The following RIC3 variants were observed in gnomAD, a reference collection of about 807,000 sequenced individuals.
RIC3 encodes the protein RIC3 acetylcholine receptor chaperone, also known as protein RIC-3.
Under a neutral mutation model 27.3 loss-of-function variants are expected in RIC3, and 28 were observed. The observed-to-expected ratio is 1.02, with a 90% CI of 0.76 to 1.41. The LOEUF is 1.41. Ranked by LOEUF, RIC3 falls within the 40% of genes most tolerant of loss-of-function variation. The pLI, the probability that RIC3 is intolerant of heterozygous loss-of-function variation, is 0.00. For synonymous variants in RIC3, 184 were observed against 160.4 expected (o/e 1.15, Z -1.11); for missense variants, 501 against 444.7 (o/e 1.13, Z -1.14).
intron 1 of RIC3, among the ~76,000 whole-genome samples, chr11:8,163,657 T>G (rs1471289741): frequency 6.6e-6 from 1 of 152,048 alleles, no homozygotes; most frequent in Non-Finnish European, 1.5e-5. Flanking sequence ...AAATAAGACT[T>G]TCACACTAAA....
Position 8,145,531 on chromosome 11 carries a change from A to T in RIC3, c.125-5338T>A, listed in dbSNP as rs544288748. Among the ~76,000 whole-genome samples, 3 of 152,066 alleles carry T rather than the reference A, an allele frequency of 2.0e-5. No homozygotes were observed. In the South Asian group the frequency reaches 6.2e-4, roughly 32 times the overall value. Reference sequence around the variant, plus strand: ...AAGTACTCAGCTTGGGTAGGTATACATCTCTTTCCAATCAGCTATAGCTGA... The same window carrying T: ...AAGTACTCAGCTTGGGTAGGTATACTTCTCTTTCCAATCAGCTATAGCTGA... On this transcript the variant is annotated intron_variant, in intron 1 of 5. Coordinates refer to ENST00000309737, the MANE Select transcript of RIC3 (RefSeq NM_001206671.4).
chr11:8,101,396 C>A (rs2242504), downstream of RIC3: 3 of 1,512,452 alleles, frequency 2.0e-6, no homozygotes, highest in East Asian at 4.5e-5. Flanking sequence ...TTGTTCTTCC[C>A]TCATGTGGTT....
intron 5 of RIC3, among the ~76,000 whole-genome samples, chr11:8,116,493 T>C (rs571843364): frequency 2.6e-5 from 4 of 152,320 alleles, no homozygotes; most frequent in Non-Finnish European, 5.9e-5. Flanking sequence ...ATCTATGTAA[T>C]GGGAGAAAAT....
At chr11:8,131,388 G>A (rs1269387773) in intron 4 of RIC3, among the ~76,000 whole-genome samples, 2 of 152,198 alleles carry the variant, frequency 1.3e-5, no homozygotes, top group Admixed American at 6.5e-5. Context: ...GCCATTTGCT[G>A]AGATGGAAAT....
intron 5 of RIC3, among the ~76,000 whole-genome samples, chr11:8,123,519 A>G (rs1172075029): frequency 6.6e-6 from 1 of 152,232 alleles, no homozygotes; most frequent in Non-Finnish European, 1.5e-5. Flanking sequence ...ACAAATTACC[A>G]GGATCAAGAA....
intron 1 of RIC3, among the ~76,000 whole-genome samples, chr11:8,159,170 A>G (rs569508438): frequency 6.6e-6 from 1 of 152,348 alleles, no homozygotes; most frequent in East Asian, 1.9e-4. Flanking sequence ...AGAAGGCATC[A>G]GGAAATGCAG....
intron 1 of RIC3, among the ~76,000 whole-genome samples, chr11:8,145,126 C>T (rs1949534930): frequency 7.0e-6 from 1 of 141,994 alleles, no homozygotes. Context: ...CACATGTATA[C>T]ATATGTAACT....
chr11:8,110,666 C>T lies in RIC3; in HGVS notation c.*32G>A. ...TGAGGAGAGAGAGGTCACCTTGGGA[C>T]TTGAGTAATGGATACTTCAGACTGG... On this transcript the variant is annotated 3_prime_UTR_variant, in exon 6 of 6. Transcript: ENST00000309737. 6.3e-7 allele frequency: 1 copy of T among 1,598,392 alleles called. No individual in the cohort carries two copies. The highest frequency in any genetic ancestry group is 8.6e-7 in the Non-Finnish European group (1 of 1,166,054).
chr11:8,164,722 G>A (rs935566578), intron 1 of RIC3, among the ~76,000 whole-genome samples: 11 of 143,960 alleles, frequency 7.6e-5, no homozygotes, highest in African/African-American at 2.8e-4. Context: ...GGGCTACAGT[G>A]AGCAATGATG....
At chr11:8,153,554 T>G (rs1465020160) in intron 1 of RIC3, 18 of 322,994 alleles carry the variant, frequency 5.6e-5, no homozygotes, top group South Asian at 4.7e-4. Flanking sequence ...CCACTGGTCC[T>G]TCAACCTATT....
intron 5 of RIC3, among the ~76,000 whole-genome samples, chr11:8,113,620 AC>A (rs1237875516): frequency 6.6e-6 from 1 of 151,798 alleles, no homozygotes; most frequent in African/African-American, 2.4e-5. Context: ...CTCTATGACC[AC>A]CCCCACCTTC....
chr11:8,105,489 G>C (rs1944523725), downstream of RIC3: 1 of 152,102 alleles, frequency 6.6e-6, no homozygotes, highest in Admixed American at 6.6e-5. Context: ...GATTACGACA[G>C]GTTTGGTTTT....
At chr11:8,138,076 T>C (rs182627007) in intron 3 of RIC3, among the ~76,000 whole-genome samples, 196 bp downstream of exon 3, 1 of 152,334 alleles carries the variant, frequency 6.6e-6, no homozygotes, top group Admixed American at 6.5e-5. Flanking sequence ...AAAAGTGAAC[T>C]GGTGGTTTTG....
intron 5 of RIC3, among the ~76,000 whole-genome samples, chr11:8,112,674 A>G (rs552419112): frequency 6.6e-6 from 1 of 152,306 alleles, no homozygotes; most frequent in Non-Finnish European, 1.5e-5. Context: ...ATGTTTTTCA[A>G]TTCAACATTA....
intron 4 of RIC3, among the ~76,000 whole-genome samples, chr11:8,131,880 G>C (rs1947769818): frequency 8.9e-6 from 1 of 112,110 alleles, no homozygotes; most frequent in East Asian, 2.9e-4. Context: ...CAGCCTGGGT[G>C]ACAGAGAGAG....
chr11:8,164,781 CAAAAAA>C (rs199958835), intron 1 of RIC3, among the ~76,000 whole-genome samples: 4 of 84,252 alleles, frequency 4.7e-5, no homozygotes, highest in Non-Finnish European at 8.2e-5. Flanking sequence ...CTGTCTCTCT[CAAAAAA>C]AAAAAAAAAA....
intron 1 of RIC3, among the ~76,000 whole-genome samples, chr11:8,147,438 C>T (rs1949809896): frequency 6.6e-6 from 1 of 150,566 alleles, no homozygotes; most frequent in Non-Finnish European, 1.5e-5. Context: ...TCTCCTGGGT[C>T]TGGAAAGAAA....
the RIC3 span, chr11:8,094,268 T>A: frequency 6.8e-7 from 1 of 1,476,548 alleles, no homozygotes; most frequent in Non-Finnish European, 9.1e-7. Flanking sequence ...TCCTCCTGAC[T>A]TGGAGGGGAG....
At position 8,110,284 on chromosome 11, in the gene RIC3, A is replaced by G; in HGVS notation, c.*414T>C. On this transcript the variant is annotated 3_prime_UTR_variant, in exon 6 of 6. Coordinates refer to ENST00000309737, the MANE Select transcript of RIC3 (RefSeq NM_001206671.4). ...AGGCCCAAAGAATAAGGGATCTTGG[A>G]GTCTGAAATCTTCATTCTTGCAACC... 1 of 321,702 alleles carries G rather than the reference A, an allele frequency of 3.1e-6. No homozygotes were observed. The highest frequency in any genetic ancestry group is 6.0e-6 in the Non-Finnish European group (1 of 166,162). 19.9% of individuals were successfully genotyped at this position (321,702 alleles called of 1,614,324 possible). A position where few individuals can be genotyped will look rare whatever the true frequency, so the allele number is the denominator to read the frequency against.
Sources: gnomAD v4.1 joint callset for allele counts (sites outside exome capture counted in the v4.1 genomes callset) on GRCh38, gnomAD v4.1.1 for gene constraint, MANE v1.5 for transcripts, NCBI Gene and HGNC (gene_info 2026-07-23, HGNC 2026-07-21) for gene names.